KANSL1L: variants seen among roughly 807,000 people sequenced by gnomAD.
KANSL1L encodes KAT8 regulatory NSL complex subunit 1-like protein.
In KANSL1L, 25 loss-of-function variants were observed where a neutral mutation model predicts 108.6. The observed-to-expected ratio is 0.23, with a 90% CI of 0.17 to 0.32. KANSL1L has a LOEUF of 0.32. KANSL1L is among the 10% of genes least tolerant of loss of function. The pLI, the probability that KANSL1L is intolerant of heterozygous loss-of-function variation, is 1.00. For missense variants in KANSL1L, 1,137 were observed against 1,125.7 expected (o/e 1.01, Z -0.14); for synonymous variants, 405 against 395.1 (o/e 1.03, Z -0.30).
intron 13 of KANSL1L, 27 bp from the exon 14 acceptor site, chr2:210,024,228 T>A: frequency 6.7e-7 from 1 of 1,502,568 alleles, no homozygotes; most frequent in Middle Eastern, 1.9e-4. Flanking sequence ...GAAAACACAA[T>A]TATTTTTTAT....
intron 1 of KANSL1L, among the ~76,000 whole-genome samples, chr2:210,168,402 T>A (rs1688116115): frequency 6.6e-6 from 1 of 152,086 alleles, no homozygotes; most frequent in Non-Finnish European, 1.5e-5. Flanking sequence ...ATTTATAAGA[T>A]TTATGTGGTA....
At chr2:210,042,433 G>C (rs1232183575) in intron 7 of KANSL1L, among the ~76,000 whole-genome samples, 1 of 152,152 alleles carries the variant, frequency 6.6e-6, no homozygotes, top group Non-Finnish European at 1.5e-5. Context: ...ATTTATACCA[G>C]CTCTCAGGGT....
At chr2:210,081,659 A>G (rs1217042931) in intron 5 of KANSL1L, among the ~76,000 whole-genome samples, 1 of 152,222 alleles carries the variant, frequency 6.6e-6, no homozygotes, top group Non-Finnish European at 1.5e-5. Flanking sequence ...CATATAGCAG[A>G]TACACCATGA....
chr2:210,035,206 C>T (rs1575382640), intron 8 of KANSL1L: 1 of 152,298 alleles, frequency 6.6e-6, no homozygotes, highest in East Asian at 1.9e-4. Context: ...TGAAACAGTT[C>T]CACTGTCTTC....
intron 1 of KANSL1L, among the ~76,000 whole-genome samples, chr2:210,170,826 G>A (rs1467031015): frequency 1.3e-5 from 2 of 152,122 alleles, no homozygotes; most frequent in Non-Finnish European, 2.9e-5. Context: ...AAAACAAAAG[G>A]GAGGTCTGCC....
chr2:210,156,870 T>G (rs1160107612), intron 1 of KANSL1L, among the ~76,000 whole-genome samples: 3 of 152,078 alleles, frequency 2.0e-5, no homozygotes, highest in Admixed American at 2.0e-4. Context: ...TGTATACACT[T>G]TATTGTATAA....
At chr2:210,054,588 G>A (rs949453566) in intron 6 of KANSL1L, among the ~76,000 whole-genome samples, 8 of 152,030 alleles carry the variant, frequency 5.3e-5, no homozygotes, top group African/African-American at 1.9e-4. Flanking sequence ...CAAACATGTG[G>A]ACTGAACTTC....
chr2:210,036,803 C>G (rs1052342924), intron 8 of KANSL1L, among the ~76,000 whole-genome samples: 1 of 152,170 alleles, frequency 6.6e-6, no homozygotes, highest in Admixed American at 6.5e-5. Context: ...GTCACCCACC[C>G]TGAGGTGCAG....
intron 3 of KANSL1L, among the ~76,000 whole-genome samples, chr2:210,127,423 A>G (rs2095076360): frequency 6.6e-6 from 1 of 152,210 alleles, no homozygotes; most frequent in Non-Finnish European, 1.5e-5. Flanking sequence ...CACAGGTAAT[A>G]AAAGAAAAAG....
At chr2:210,109,860 T>G (rs935311517) in intron 3 of KANSL1L, among the ~76,000 whole-genome samples, 1 of 152,140 alleles carries the variant, frequency 6.6e-6, no homozygotes, top group African/African-American at 2.4e-5. Flanking sequence ...TTATATTACC[T>G]TCCTTGGCAA....
intron 6 of KANSL1L, among the ~76,000 whole-genome samples, chr2:210,066,774 A>C (rs2094470020): frequency 6.6e-6 from 1 of 152,200 alleles, no homozygotes; most frequent in African/African-American, 2.4e-5. Context: ...TAAATATACC[A>C]CAATTCTGCT....
At chr2:210,035,074 T>A (rs1192362075) in intron 8 of KANSL1L, 1 of 152,208 alleles carries the variant, frequency 6.6e-6, no homozygotes. Flanking sequence ...TTCAGTACCA[T>A]TAGCTAATCT....
At chr2:210,082,775 C>T (rs2094600487) in intron 5 of KANSL1L, among the ~76,000 whole-genome samples, 1 of 152,164 alleles carries the variant, frequency 6.6e-6, no homozygotes, top group Admixed American at 6.5e-5. Context: ...ACACCATTCT[C>T]AAATTAAACT....
intron 10 of KANSL1L, 121 bp downstream of exon 10, chr2:210,029,682 T>TA (rs751602010): frequency 1.0e-4 from 50 of 483,646 alleles, no homozygotes; most frequent in Non-Finnish European, 1.7e-4. Flanking sequence ...AAGATAGTTA[T>TA]AAATGTCTGT....
rs187310226 is a variant in KANSL1L, at chr2:210,103,234, G to A, written c.1428+870C>T. 2.9e-4 allele frequency among the ~76,000 whole-genome samples: 43 copies of A among 150,626 alleles called. No individual in the cohort carries two copies. The East Asian group carries it at 7.1e-3, about 25-fold the overall frequency. ...TCACAAGGACGAAAAACCAAACACC[G>A]CATATTCTCACTCATAGGTGGGAAA... On this transcript the variant is annotated intron_variant, in intron 4 of 14. Coordinates refer to ENST00000281772, the MANE Select transcript of KANSL1L (RefSeq NM_152519.4).
At chr2:210,060,221 C>A (rs2094404970) in intron 6 of KANSL1L, among the ~76,000 whole-genome samples, 2 of 152,118 alleles carry the variant, frequency 1.3e-5, no homozygotes, top group African/African-American at 4.8e-5. Flanking sequence ...ATTCGTACCA[C>A]TGGATTATTT....
rs1254375013 is a variant in KANSL1L at position 210,024,155 on chromosome 2, A to G, written c.2611T>C (p.Tyr871His). The G allele has an allele frequency of 6.2e-7, 1 of 1,607,844 alleles. No individual in the cohort carries two copies. The highest frequency in any genetic ancestry group is 2.3e-5 in the East Asian group (1 of 44,392). Residue 871 changes from tyrosine to histidine, a missense_variant, in exon 14 of 15, where the codon TAC becomes CAC. Tyr to His is a moderately conservative substitution (Grantham distance 83). This residue lies in a region of KANSL1L where 575 missense variants were observed against 567.1 expected (regional missense o/e 1.01). Coordinates refer to ENST00000281772, the MANE Select transcript of KANSL1L (RefSeq NM_152519.4). Reference protein sequence around the residue: ...VEGQDLLLKEYPNNFSSSQQC... With the variant: ...VEGQDLLLKEHPNNFSSSQQC... Reference sequence around the variant, plus strand: ...TGACTGCTACTGAAGTTATTAGGGTATTCTTTCAAAAGCAAGTCCTGTCCT... The same window carrying G: ...TGACTGCTACTGAAGTTATTAGGGTGTTCTTTCAAAAGCAAGTCCTGTCCT...
At chr2:210,153,452 A>G in intron 2 of KANSL1L, 43 bp downstream of exon 2, 5 of 1,475,320 alleles carry the variant, frequency 3.4e-6, no homozygotes, top group Non-Finnish European at 4.7e-6. Flanking sequence ...AATTGCTGCT[A>G]TATATGGAAC....
intron 1 of KANSL1L, chr2:210,155,132 C>T (rs2095325855): frequency 6.6e-6 from 1 of 152,114 alleles, no homozygotes; most frequent in African/African-American, 2.4e-5. Context: ...CTAAGTGAGG[C>T]CGGACGTGGT....
Sources: allele counts gnomAD v4.1 joint callset (sites outside exome capture counted in the v4.1 genomes callset), GRCh38; gene constraint gnomAD v4.1.1; regional missense constraint gnomAD v4.1.1; transcripts MANE v1.5; gene names NCBI Gene and HGNC (gene_info 2026-07-23, HGNC 2026-07-21).